MSRA: variants seen among roughly 807,000 people sequenced by gnomAD.
MSRA encodes mitochondrial peptide methionine sulfoxide reductase.
A neutral mutation model predicts 31.3 loss-of-function variants in MSRA; 54 were observed. The ratio of observed to expected loss-of-function variants is 1.73; its 90% CI spans 1.39 to 2.17. The LOEUF is 2.17. MSRA is among the 30% of genes most tolerant of loss of function. MSRA has a pLI of 0.00. For missense variants in MSRA, 507 were observed against 300.9 expected (o/e 1.69, Z -5.07); for synonymous variants, 169 against 116.5 (o/e 1.45, Z -2.90).
intron 1 of MSRA, among the ~76,000 whole-genome samples, chr8:10,097,205 G>A (rs575530515): frequency 2.4e-4 from 36 of 152,126 alleles, no homozygotes; most frequent in Non-Finnish European, 4.4e-4. Context: ...TCTAACAGAG[G>A]TGTTTGAACA....
intron 2 of MSRA, among the ~76,000 whole-genome samples, chr8:10,218,980 G>A (rs533454081): frequency 1.4e-4 from 22 of 152,254 alleles, no homozygotes; most frequent in South Asian, 1.2e-3. Flanking sequence ...CTTCTCTCTC[G>A]TTCTTTCCCC....
chr8:10,408,254 G>A lies in MSRA; in HGVS notation c.544-19894G>A, dbSNP rs1049374806. Among the ~76,000 whole-genome samples, 33 of 152,284 alleles carry A rather than the reference G, an allele frequency of 2.2e-4. 1 individual carries two copies. The highest frequency in any genetic ancestry group is 7.7e-4 in the African/African-American group (32 of 41,566). ...CATAGTGACATTTAAAGAGGAACAT[G>A]GGCTGGGCGTGGTGGCTCATGCTTG... On this transcript the variant is annotated intron_variant, in intron 5 of 5. Coordinates refer to ENST00000317173, the MANE Select transcript of MSRA (RefSeq NM_012331.5).
chr8:10,107,467 T>G (rs1799967442), intron 1 of MSRA, among the ~76,000 whole-genome samples: 1 of 152,054 alleles, frequency 6.6e-6, no homozygotes, highest in Admixed American at 6.5e-5. Context: ...AGCAAAGAGG[T>G]CCATAATGAG....
At chr8:10,213,901 C>T (rs1410902505) in intron 2 of MSRA, among the ~76,000 whole-genome samples, 1 of 152,078 alleles carries the variant, frequency 6.6e-6, no homozygotes, top group African/African-American at 2.4e-5. Flanking sequence ...AACTCACGTC[C>T]AGGCTTTTTG....
At chr8:10,257,553 C>G (rs1432864708) in intron 3 of MSRA, among the ~76,000 whole-genome samples, 3 of 152,088 alleles carry the variant, frequency 2.0e-5, no homozygotes, top group African/African-American at 7.2e-5. Flanking sequence ...ATTATAGGCA[C>G]GCACCACCGC....
chr8:10,414,125 C>A (rs948371488), intron 5 of MSRA, among the ~76,000 whole-genome samples: 6 of 152,124 alleles, frequency 3.9e-5, no homozygotes, highest in African/African-American at 1.4e-4. Flanking sequence ...CGTGATCGTG[C>A]CACTGCACTC....
chr8:10,080,711 T>G, intron 1 of MSRA, among the ~76,000 whole-genome samples: 1 of 107,292 alleles, frequency 9.3e-6, no homozygotes. Context: ...TTTTTTTTTT[T>G]AATTTCTAGT....
At chr8:10,228,692 C>G (rs545274300) in intron 2 of MSRA, among the ~76,000 whole-genome samples, 2 of 152,260 alleles carry the variant, frequency 1.3e-5, no homozygotes, top group Admixed American at 6.5e-5. Flanking sequence ...AATCCAGAGT[C>G]TGCCTTGGTT....
intron 3 of MSRA, among the ~76,000 whole-genome samples, chr8:10,270,433 A>G (rs1341463617): frequency 1.3e-5 from 2 of 151,146 alleles, no homozygotes; most frequent in African/African-American, 4.9e-5. Context: ...ACTATCCTCT[A>G]CTAGGTGCCT....
chr8:10,343,050 C>CAG (rs1219810308), intron 5 of MSRA, among the ~76,000 whole-genome samples: 21,586 of 72,344 alleles, frequency 0.3, 2,027 homozygotes, highest in Non-Finnish European at 0.37. Flanking sequence ...CACACACACA[C>CAG]ACAGACACAC....
intron 5 of MSRA, among the ~76,000 whole-genome samples, chr8:10,422,157 A>C (rs1203784984): frequency 2.6e-5 from 4 of 152,190 alleles, no homozygotes; most frequent in Non-Finnish European, 5.9e-5. Flanking sequence ...TGGTGTACGC[A>C]CTTGTAGGCC....
chr8:10,253,329 T>A (rs903723895), intron 3 of MSRA, among the ~76,000 whole-genome samples: 10 of 152,240 alleles, frequency 6.6e-5, no homozygotes, highest in Non-Finnish European at 1.3e-4. Context: ...CTTGATATTT[T>A]AATATTCTAT....
chr8:10,347,601 C>G (rs569109271), intron 5 of MSRA, among the ~76,000 whole-genome samples: 170 of 152,334 alleles, frequency 1.1e-3, no homozygotes, highest in African/African-American at 3.8e-3. Flanking sequence ...GGGTTCCAGT[C>G]TCAGTCACCC....
Position 10,098,867 on chromosome 8 carries a change from A to G in MSRA, c.142+44209A>G, listed in dbSNP as rs1231791072. Among the ~76,000 whole-genome samples, 3 of 152,252 alleles carry G rather than the reference A, an allele frequency of 2.0e-5. No homozygotes were observed. In the East Asian group the frequency reaches 5.8e-4, roughly 29 times the overall value. Reference sequence around the variant, plus strand: ...TGCTAGATCTTACATATGTCAAAGCAGGTGTAATTGAACCTTCGAAGACGT... The same window carrying G: ...TGCTAGATCTTACATATGTCAAAGCGGGTGTAATTGAACCTTCGAAGACGT... On this transcript the variant is annotated intron_variant, in intron 1 of 5. Transcript: ENST00000317173.
chr8:10,284,807 G>A (rs957747365), intron 3 of MSRA, among the ~76,000 whole-genome samples: 1 of 152,080 alleles, frequency 6.6e-6, no homozygotes. Context: ...AATGAAAATA[G>A]CTCTTATTGG....
chr8:10,375,701 G>C (rs906804798), intron 5 of MSRA, among the ~76,000 whole-genome samples: 3 of 152,146 alleles, frequency 2.0e-5, no homozygotes, highest in African/African-American at 7.2e-5. Flanking sequence ...AAACACACAG[G>C]TACACCATGC....
At chr8:10,120,960 CGTTTT>C (rs1369883536) in intron 1 of MSRA, among the ~76,000 whole-genome samples, 1 of 152,130 alleles carries the variant, frequency 6.6e-6, no homozygotes, top group Non-Finnish European at 1.5e-5. Flanking sequence ...AATTTAATTA[CGTTTT>C]AAGTGAACCA....
At chr8:10,382,438 C>G (rs993398349) in intron 5 of MSRA, among the ~76,000 whole-genome samples, 1 of 152,222 alleles carries the variant, frequency 6.6e-6, no homozygotes, top group Non-Finnish European at 1.5e-5. Flanking sequence ...GTGGAAAGGT[C>G]CCTCTAGCAG....
At chr8:10,096,317 A>G in intron 1 of MSRA, 1 of 1,083,538 alleles carries the variant, frequency 9.2e-7, no homozygotes, top group East Asian at 5.7e-5. Context: ...CAAACAAGAA[A>G]TGTGAGCTTG....
Sources: allele counts gnomAD v4.1 joint callset (sites outside exome capture counted in the v4.1 genomes callset), GRCh38; gene constraint gnomAD v4.1.1; transcripts MANE v1.5; gene names NCBI Gene and HGNC (gene_info 2026-07-23, HGNC 2026-07-21).